SGCZ: variants seen among roughly 807,000 people sequenced by gnomAD.
SGCZ encodes zeta-sarcoglycan.
In SGCZ, 40 loss-of-function variants were observed where a neutral mutation model predicts 41.3. The ratio of observed to expected loss-of-function variants is 0.97; its 90% confidence interval spans 0.75 to 1.26. SGCZ has a LOEUF of 1.26. Ranked by LOEUF, SGCZ falls within the 50% of genes most tolerant of loss-of-function variation. The pLI is 0.00. For synonymous variants in SGCZ, 206 were observed against 137.5 expected (o/e 1.50, Z -3.49); for missense variants, 552 against 369.8 (o/e 1.49, Z -4.04).
At chr8:14,400,951 A>G (rs1799054813) in intron 2 of SGCZ, among the ~76,000 whole-genome samples, 1 of 152,162 alleles carries the variant, frequency 6.6e-6, no homozygotes, top group Non-Finnish European at 1.5e-5. Context: ...AATATGTTTC[A>G]AACAATGAAA....
Position 14,164,895 on chromosome 8 carries a change from G to C in SGCZ, c.425-193C>G, listed in dbSNP as rs995801469. ...AATTTGGGAATGTACTTCTGTGCTA[G>C]GCTGGTTAGGCATACAGGTGACCTC... On this transcript the variant is annotated intron_variant, in intron 4 of 7. Transcript: ENST00000382080. 11 of 652,398 alleles carry C rather than the reference G, an allele frequency of 1.7e-5. No individual in the cohort carries two copies. In the East Asian group the frequency reaches 3.5e-4, roughly 21 times the overall value. 40.4% of individuals were successfully genotyped at this position (652,398 alleles called of 1,614,324 possible).
At chr8:14,220,471 T>A (rs1806153614) in intron 4 of SGCZ, among the ~76,000 whole-genome samples, 4 of 152,142 alleles carry the variant, frequency 2.6e-5, no homozygotes, top group Admixed American at 6.6e-5. Context: ...CTGTTCTAGA[T>A]CTTGACCGTG....
chr8:15,048,693 C>A (rs1275870623), intron 1 of SGCZ, among the ~76,000 whole-genome samples: 1 of 151,974 alleles, frequency 6.6e-6, no homozygotes, highest in Non-Finnish European at 1.5e-5. Context: ...CACTTTTGAC[C>A]ACAGATCTAA....
At chr8:14,361,580 C>G (rs1039625644) in intron 2 of SGCZ, among the ~76,000 whole-genome samples, 2 of 152,160 alleles carry the variant, frequency 1.3e-5, no homozygotes, top group African/African-American at 4.8e-5. Flanking sequence ...AGCCATTCAT[C>G]TAAGCTTTTT....
chr8:14,733,776 G>A (rs1798942718), intron 1 of SGCZ, among the ~76,000 whole-genome samples: 1 of 152,148 alleles, frequency 6.6e-6, no homozygotes. Flanking sequence ...AGAAGCCACA[G>A]ACCTCAGGGT....
chr8:14,099,020 C>A (rs1207220811), intron 7 of SGCZ, among the ~76,000 whole-genome samples: 1 of 152,082 alleles, frequency 6.6e-6, no homozygotes, highest in South Asian at 2.1e-4. Context: ...TAGCTCCACC[C>A]ATATAAAAAG....
At chr8:14,773,622 A>G (rs1464402726) in intron 1 of SGCZ, among the ~76,000 whole-genome samples, 3 of 152,218 alleles carry the variant, frequency 2.0e-5, no homozygotes, top group Non-Finnish European at 4.4e-5. Flanking sequence ...GATAAAAATC[A>G]AATTACTTCT....
chr8:14,740,630 G>T (rs922615949), intron 1 of SGCZ, among the ~76,000 whole-genome samples: 1 of 152,006 alleles, frequency 6.6e-6, no homozygotes, highest in Non-Finnish European at 1.5e-5. Flanking sequence ...TTCCTGAGGT[G>T]CCACACAGTT....
intron 2 of SGCZ, among the ~76,000 whole-genome samples, chr8:14,374,209 C>A (rs139990294): frequency 4.3e-4 from 65 of 152,122 alleles, no homozygotes; most frequent in African/African-American, 1.5e-3. Context: ...AAAACACTGT[C>A]TCTACACAAG....
At chr8:14,451,824 A>G (rs1800602579) in intron 2 of SGCZ, among the ~76,000 whole-genome samples, 1 of 152,362 alleles carries the variant, frequency 6.6e-6, no homozygotes, top group Non-Finnish European at 1.5e-5. Flanking sequence ...CAGAACACTG[A>G]CAACCCCAAA....
chr8:15,000,126 G>A (rs1585456069), intron 1 of SGCZ, among the ~76,000 whole-genome samples: 1 of 152,126 alleles, frequency 6.6e-6, no homozygotes, highest in African/African-American at 2.4e-5. Context: ...GGGGTACACT[G>A]ACAAAGAAAA....
At chr8:15,067,094 T>C (rs1002429012) in intron 1 of SGCZ, among the ~76,000 whole-genome samples, 10 of 152,216 alleles carry the variant, frequency 6.6e-5, no homozygotes, top group African/African-American at 2.4e-4. Flanking sequence ...TAGATGATTG[T>C]GTGTAAATGT....
intron 1 of SGCZ, among the ~76,000 whole-genome samples, chr8:14,982,161 A>G (rs901268450): frequency 6.7e-6 from 1 of 149,236 alleles, no homozygotes; most frequent in Non-Finnish European, 1.5e-5. Flanking sequence ...CTGTCTCAAA[A>G]AAAAAAAAAA....
At chr8:14,232,125 T>A (rs925684409) in intron 4 of SGCZ, among the ~76,000 whole-genome samples, 4 of 88,498 alleles carry the variant, frequency 4.5e-5, no homozygotes, top group African/African-American at 1.8e-4. Context: ...ATCAAACAAA[T>A]CTTCTTTCAT....
At chr8:14,384,358 G>C (rs929973907) in intron 2 of SGCZ, among the ~76,000 whole-genome samples, 2 of 151,942 alleles carry the variant, frequency 1.3e-5, no homozygotes, top group African/African-American at 4.8e-5. Flanking sequence ...CAAAGATTTG[G>C]AACCAACCCA....
intron 1 of SGCZ, among the ~76,000 whole-genome samples, chr8:14,689,154 A>G (rs1012895101): frequency 1.3e-5 from 2 of 152,110 alleles, no homozygotes; most frequent in Non-Finnish European, 2.9e-5. Flanking sequence ...TCTGAAGAGT[A>G]ATTTTGAGAT....
intron 5 of SGCZ, among the ~76,000 whole-genome samples, chr8:14,122,182 C>A (rs987503558): frequency 6.6e-6 from 1 of 152,144 alleles, no homozygotes; most frequent in African/African-American, 2.4e-5. Flanking sequence ...GAGGCTGAGG[C>A]AGGAGAATGG....
intron 1 of SGCZ, among the ~76,000 whole-genome samples, chr8:14,622,525 T>A (rs1003524614): frequency 6.6e-6 from 1 of 152,200 alleles, no homozygotes; most frequent in Non-Finnish European, 1.5e-5. Flanking sequence ...AAGAACTAGA[T>A]GTCACCTGAA....
chr8:15,070,070 T>C (rs1300757433), intron 1 of SGCZ, among the ~76,000 whole-genome samples: 1 of 152,140 alleles, frequency 6.6e-6, no homozygotes, highest in Admixed American at 6.6e-5. Flanking sequence ...TAAAAATTCT[T>C]CCAGTGTGAA....
Sources: allele counts gnomAD v4.1 joint callset (sites outside exome capture counted in the v4.1 genomes callset), GRCh38; gene constraint gnomAD v4.1.1; transcripts MANE v1.5; gene names NCBI Gene and HGNC (gene_info 2026-07-23, HGNC 2026-07-21).